CORIN: variants seen among roughly 807,000 people sequenced by gnomAD.
The protein encoded by CORIN is corin, serine peptidase, also known as atrial natriuretic peptide-converting enzyme.
CORIN carries 117 observed loss-of-function variants against 125.3 expected under a neutral mutation model. That is an observed-to-expected ratio of 0.93 (90% CI 0.80 to 1.09). The LOEUF is 1.09. CORIN is among the 50% of genes least tolerant of loss of function. The probability of loss-of-function intolerance (pLI) is 0.00; values close to 1 mark genes in which losing one functional copy is unlikely to be tolerated. For missense variants in CORIN, 1,253 were observed against 1,306.7 expected (o/e 0.96, Z 0.63); for synonymous variants, 450 against 466.4 (o/e 0.96, Z 0.45).
At chr4:47,597,365 AAAG>A (rs1244402064) in intron 21 of CORIN, among the ~76,000 whole-genome samples, 17 of 151,760 alleles carry the variant, frequency 1.1e-4, no homozygotes, top group African/African-American at 2.7e-4. Flanking sequence ...AAAAAAAAAA[AAAG>A]AAGAAGAAAG....
intron 2 of CORIN, among the ~76,000 whole-genome samples, chr4:47,787,435 T>C (rs1056884238): frequency 6.6e-6 from 1 of 151,868 alleles, no homozygotes; most frequent in Non-Finnish European, 1.5e-5. Flanking sequence ...TTTGCACTAA[T>C]GTTCAGTAAA....
At chr4:47,598,432 A>T (rs1030265411) in intron 21 of CORIN, among the ~76,000 whole-genome samples, 1 of 152,174 alleles carries the variant, frequency 6.6e-6, no homozygotes, top group African/African-American at 2.4e-5. Flanking sequence ...TCCCACTACT[A>T]AAGAAGTCGG....
intron 5 of CORIN, among the ~76,000 whole-genome samples, chr4:47,721,319 G>A (rs960376765): frequency 6.6e-6 from 1 of 151,440 alleles, no homozygotes; most frequent in African/African-American, 2.4e-5. Context: ...ACCCAGGCTA[G>A]AGTGCAATGG....
intron 4 of CORIN, among the ~76,000 whole-genome samples, chr4:47,752,511 C>T (rs1175338711): frequency 6.6e-6 from 1 of 152,140 alleles, no homozygotes; most frequent in Admixed American, 6.5e-5. Flanking sequence ...CACTACCCTG[C>T]CCAAGAGGTG....
intron 16 of CORIN, among the ~76,000 whole-genome samples, chr4:47,630,835 T>A (rs62298034): frequency 0.091 from 13,909 of 152,204 alleles, 715 homozygotes; most frequent in East Asian, 0.17. Flanking sequence ...ATCCCCAGAT[T>A]TTCTGATTCA....
intron 13 of CORIN, among the ~76,000 whole-genome samples, chr4:47,645,902 A>T (rs1723451243): frequency 6.6e-6 from 1 of 151,988 alleles, no homozygotes; most frequent in Non-Finnish European, 1.5e-5. Flanking sequence ...CCATATAATT[A>T]ATAACTGAAT....
At chr4:47,803,069 G>A (rs1039468874) in intron 2 of CORIN, among the ~76,000 whole-genome samples, 4 of 152,102 alleles carry the variant, frequency 2.6e-5, no homozygotes, top group African/African-American at 4.8e-5. Flanking sequence ...AGGGTCGCAG[G>A]CCCAAGTCCC....
chr4:47,629,931 C>G (rs548908131), intron 16 of CORIN, among the ~76,000 whole-genome samples: 4 of 152,024 alleles, frequency 2.6e-5, no homozygotes, highest in Non-Finnish European at 4.4e-5. Context: ...AACAAGCAGA[C>G]GGCAAAGCTG....
intron 19 of CORIN, among the ~76,000 whole-genome samples, chr4:47,617,248 A>T (rs565890397): frequency 6.6e-6 from 1 of 152,334 alleles, no homozygotes; most frequent in East Asian, 1.9e-4. Context: ...GTTTATGATC[A>T]TATATTTTAT....
In CORIN at chr4:47,705,260, T is replaced by C. The variant is rs543967037; in HGVS notation, c.800-12177A>G. 3.3e-5 allele frequency among the ~76,000 whole-genome samples: 5 copies of C among 152,334 alleles called. No individual in the cohort carries two copies. In the South Asian group the frequency reaches 8.3e-4, roughly 25 times the overall value. On this transcript the variant is annotated intron_variant, in intron 5 of 21. Coordinates refer to ENST00000273857, the MANE Select transcript of CORIN (RefSeq NM_006587.4). ...CTTTTAAATCTATAGCTTCTTCAGCTACATGAAAGTTTTGCAAACGTGAAG... is the reference window on the plus strand; with the variant it reads ...CTTTTAAATCTATAGCTTCTTCAGCCACATGAAAGTTTTGCAAACGTGAAG...
chr4:47,821,608 A>G (rs567677699), intron 1 of CORIN, among the ~76,000 whole-genome samples: 2 of 152,228 alleles, frequency 1.3e-5, no homozygotes, highest in Admixed American at 6.5e-5. Context: ...TTGAGAGTGT[A>G]GATCCCATTG....
At chr4:47,650,950 C>A (rs1226348338) in intron 13 of CORIN, among the ~76,000 whole-genome samples, 1 of 152,190 alleles carries the variant, frequency 6.6e-6, no homozygotes, top group Non-Finnish European at 1.5e-5. Context: ...GGCAATTACA[C>A]AATCAAAGCA....
chr4:47,710,518 T>C (rs1335773852), intron 5 of CORIN, among the ~76,000 whole-genome samples: 1 of 152,248 alleles, frequency 6.6e-6, no homozygotes, highest in Non-Finnish European at 1.5e-5. Context: ...GCGTTAATAT[T>C]TGTGTAGATG....
At chr4:47,745,747 G>C (rs1457663821) in intron 4 of CORIN, among the ~76,000 whole-genome samples, 1 of 152,146 alleles carries the variant, frequency 6.6e-6, no homozygotes, top group Admixed American at 6.5e-5. Flanking sequence ...TACTTCTACA[G>C]ATTACAAAAA....
At chr4:47,691,654 C>T (rs1440837514) in intron 6 of CORIN, among the ~76,000 whole-genome samples, 1 of 151,546 alleles carries the variant, frequency 6.6e-6, no homozygotes, top group Non-Finnish European at 1.5e-5. Flanking sequence ...TTTTTTAAAA[C>T]TACAGAATTT....
At chr4:47,607,557 A>C (rs1195597105) in intron 19 of CORIN, among the ~76,000 whole-genome samples, 1 of 151,974 alleles carries the variant, frequency 6.6e-6, no homozygotes, top group Non-Finnish European at 1.5e-5. Context: ...CCTCCTGTCA[A>C]CCCGGGTATG....
intron 16 of CORIN, among the ~76,000 whole-genome samples, chr4:47,636,947 G>T (rs947388459): frequency 7.9e-5 from 12 of 152,158 alleles, no homozygotes; most frequent in African/African-American, 2.4e-4. Flanking sequence ...GAAGAAGACA[G>T]GAAAATGTAG....
chr4:47,808,577 C>T lies in CORIN; in HGVS notation c.64-1530G>A, dbSNP rs543569334. On this transcript the variant is annotated intron_variant, in intron 1 of 21. Transcript: ENST00000273857. Reference sequence around the variant, plus strand: ...CCATGAGAGACATTATTTGAAGTAACTTGTGTTGTTAACTTGAGAAGAACT... The same window carrying T: ...CCATGAGAGACATTATTTGAAGTAATTTGTGTTGTTAACTTGAGAAGAACT... Among the ~76,000 whole-genome samples, 7 of 152,302 alleles carry T rather than the reference C, an allele frequency of 4.6e-5. 1 individual carries two copies. The South Asian group carries it at 8.3e-4, about 18-fold the overall frequency.
chr4:47,785,721 G>C (rs1003642644), intron 3 of CORIN, among the ~76,000 whole-genome samples: 1 of 152,068 alleles, frequency 6.6e-6, no homozygotes, highest in African/African-American at 2.4e-5. Context: ...AGACCAGCCT[G>C]ACTAACATGG....
Sources: gnomAD v4.1 joint callset for allele counts (sites outside exome capture counted in the v4.1 genomes callset) on GRCh38, gnomAD v4.1.1 for gene constraint, MANE v1.5 for transcripts, NCBI Gene and HGNC (gene_info 2026-07-23, HGNC 2026-07-21) for gene names.